Variants in CNTLN observed in about 807,000 individuals in gnomAD.
The protein encoded by CNTLN is centlein.
CNTLN carries 212 observed loss-of-function variants against 180.0 expected under a neutral mutation model. The ratio of observed to expected loss-of-function variants is 1.18; its 90% CI spans 1.05 to 1.32. The LOEUF is 1.32. Ranked by LOEUF, CNTLN falls within the 40% of genes most tolerant of loss-of-function variation. CNTLN has a pLI of 0.00. For synonymous variants in CNTLN, 722 were observed against 563.1 expected (o/e 1.28, Z -3.99); for missense variants, 2,095 against 1,610.9 (o/e 1.30, Z -5.14).
At chr9:17,480,830 AC>A (rs1832602860) in intron 23 of CNTLN, among the ~76,000 whole-genome samples, 2 of 152,176 alleles carry the variant, frequency 1.3e-5, no homozygotes, top group Non-Finnish European at 2.9e-5. Context: ...GAATATTAAA[AC>A]CTTTGTAATT....
intron 2 of CNTLN, among the ~76,000 whole-genome samples, chr9:17,222,214 A>G (rs780038658): frequency 1.3e-5 from 2 of 152,082 alleles, no homozygotes; most frequent in Non-Finnish European, 2.9e-5. Context: ...TTCTCTGAAG[A>G]GTACTTTTCA....
At chr9:17,247,814 A>G (rs910155274) in intron 5 of CNTLN, among the ~76,000 whole-genome samples, 16 of 134,146 alleles carry the variant, frequency 1.2e-4, no homozygotes, top group Non-Finnish European at 1.9e-4. Context: ...TGAAATGATC[A>G]TGTGGTTTCT....
intron 2 of CNTLN, among the ~76,000 whole-genome samples, chr9:17,182,010 C>T (rs1287301233): frequency 6.6e-6 from 1 of 152,092 alleles, no homozygotes; most frequent in Non-Finnish European, 1.5e-5. Flanking sequence ...ATTACAGTAT[C>T]GTGAATATGA....
intron 7 of CNTLN, chr9:17,298,743 C>T (rs868186662): frequency 5.4e-5 from 53 of 988,246 alleles, no homozygotes; most frequent in Admixed American, 4.9e-4. Context: ...CATTATTTTT[C>T]GGCAAATCTT....
At chr9:17,345,676 A>G (rs1248603433) in intron 12 of CNTLN, among the ~76,000 whole-genome samples, 2 of 152,006 alleles carry the variant, frequency 1.3e-5, no homozygotes, top group African/African-American at 4.8e-5. Flanking sequence ...TCTCCATTAT[A>G]ATACAGTTAT....
At chr9:17,168,607 A>T (rs1055398369) in intron 2 of CNTLN, 1 of 152,334 alleles carries the variant, frequency 6.6e-6, no homozygotes, top group South Asian at 2.1e-4. Context: ...TGACAGTTGC[A>T]TATAAGTTAG....
Position 17,395,252 on chromosome 9 carries a change from G to A in CNTLN, c.2615+183G>A, listed in dbSNP as rs1256744683. Among the ~76,000 whole-genome samples, 5 of 152,140 alleles carry A rather than the reference G, an allele frequency of 3.3e-5. No individual in the cohort carries two copies. In the East Asian group the frequency reaches 7.7e-4, roughly 23 times the overall value. Reference sequence around the variant, plus strand: ...TGACTGAAATTTGCATGCAAAATTAGCCACAACTGCATGAGTACTTGAATA... The same window carrying A: ...TGACTGAAATTTGCATGCAAAATTAACCACAACTGCATGAGTACTTGAATA... On this transcript the variant is annotated intron_variant, in intron 15 of 25. Transcript: ENST00000380647.
intron 15 of CNTLN, among the ~76,000 whole-genome samples, chr9:17,408,910 G>A (rs142287178): frequency 2.6e-5 from 4 of 152,226 alleles, no homozygotes; most frequent in African/African-American, 9.6e-5. Context: ...AAGCTTCAGA[G>A]ATTCAAATTT....
At chr9:17,291,629 C>G (rs916909424) in intron 6 of CNTLN, among the ~76,000 whole-genome samples, 19 of 152,152 alleles carry the variant, frequency 1.2e-4, no homozygotes, top group Admixed American at 1.1e-3. Context: ...GATTGCAGCC[C>G]CTGCTTTTTT....
rs1310799118 is a variant in CNTLN at position 17,149,557 on chromosome 9, GC to G, written c.449+6184del. On this transcript the variant is annotated intron_variant, in intron 2 of 25. Transcript: ENST00000380647. ...TTTAGAGACTGGGTCTCGCTCTGTCGCCCAGGCTGGAGTGCAGTGGCTCGAT... is the reference window on the plus strand; with the variant it reads ...TTTAGAGACTGGGTCTCGCTCTGTCGCCAGGCTGGAGTGCAGTGGCTCGAT... 5.3e-4 allele frequency among the ~76,000 whole-genome samples: 66 copies of G among 125,106 alleles called. 1 individual carries two copies. Among genetic ancestry groups the G allele is most frequent in the African/African-American group, 1.9e-3 (59 of 31,682 alleles). 82.1% of individuals were successfully genotyped at this position (125,106 alleles called of 152,430 possible). A position where few individuals can be genotyped will look rare whatever the true frequency, so the allele number is the denominator to read the frequency against.
chr9:17,188,668 A>G (rs1477932728), intron 2 of CNTLN, among the ~76,000 whole-genome samples: 1 of 152,126 alleles, frequency 6.6e-6, no homozygotes, highest in African/African-American at 2.4e-5. Context: ...TTTCTTCTGT[A>G]CTGTTTAATC....
chr9:17,150,486 C>T (rs1818786002), intron 2 of CNTLN, among the ~76,000 whole-genome samples: 1 of 152,158 alleles, frequency 6.6e-6, no homozygotes, highest in Non-Finnish European at 1.5e-5. Context: ...TTTCTGAGGC[C>T]TCCATTCTGT....
At chr9:17,211,598 A>C (rs1339076235) in intron 2 of CNTLN, among the ~76,000 whole-genome samples, 5 of 152,140 alleles carry the variant, frequency 3.3e-5, no homozygotes, top group Admixed American at 2.0e-4. Context: ...GAAGAAAGTC[A>C]TTGGTAGCTT....
At chr9:17,302,602 G>C (rs1337150470) in intron 7 of CNTLN, among the ~76,000 whole-genome samples, 2 of 147,474 alleles carry the variant, frequency 1.4e-5, no homozygotes, top group Non-Finnish European at 3.0e-5. Flanking sequence ...CCTACTACAT[G>C]ATCAGTAAAC....
chr9:17,352,416 A>ATTTT (rs869286111), intron 12 of CNTLN, among the ~76,000 whole-genome samples: 5 of 31,302 alleles, frequency 1.6e-4, no homozygotes, highest in Admixed American at 6.6e-4. Context: ...ATATATATAT[A>ATTTT]TTTTTTTTTT....
chr9:17,178,169 A>T (rs1265763750), intron 2 of CNTLN, among the ~76,000 whole-genome samples: 2 of 151,266 alleles, frequency 1.3e-5, no homozygotes, highest in Non-Finnish European at 3.0e-5. Flanking sequence ...CCACCAGATT[A>T]ACTAGATACG....
chr9:17,356,857 C>T (rs1250313810), intron 12 of CNTLN, among the ~76,000 whole-genome samples: 1 of 151,900 alleles, frequency 6.6e-6, no homozygotes, highest in African/African-American at 2.4e-5. Context: ...ATGTTTTTCC[C>T]CTTATTCTTT....
At chr9:17,241,840 T>C (rs1825512163) in intron 5 of CNTLN, among the ~76,000 whole-genome samples, 1 of 152,204 alleles carries the variant, frequency 6.6e-6, no homozygotes, top group Non-Finnish European at 1.5e-5. Flanking sequence ...TTCTTAATTT[T>C]TTTCAGATTG....
chr9:17,493,139 TAG>T (rs1341723371), intron 25 of CNTLN, among the ~76,000 whole-genome samples: 2 of 152,036 alleles, frequency 1.3e-5, no homozygotes, highest in African/African-American at 2.4e-5. Flanking sequence ...TGAAAAATCC[TAG>T]AGATAGAGGT....
Sources: gnomAD v4.1 joint callset for allele counts (sites outside exome capture counted in the v4.1 genomes callset) on GRCh38, gnomAD v4.1.1 for gene constraint, MANE v1.5 for transcripts, NCBI Gene and HGNC (gene_info 2026-07-23, HGNC 2026-07-21) for gene names.